Variants in TRAK2 observed in about 807,000 individuals in gnomAD.
TRAK2 encodes the protein trafficking kinesin protein 2, also known as trafficking kinesin-binding protein 2.
Under a neutral mutation model 104.6 loss-of-function variants are expected in TRAK2, and 81 were observed. The ratio of observed to expected loss-of-function variants is 0.77; its 90% CI spans 0.65 to 0.93. The LOEUF (loss-of-function observed/expected upper bound fraction) is 0.93, where lower values mean the gene tolerates loss of function less well. Among genes scored for constraint, TRAK2 ranks in the 40% least tolerant of loss-of-function variants. The pLI, the probability that TRAK2 is intolerant of heterozygous loss-of-function variation, is 0.00. For missense variants in TRAK2, 1,002 were observed against 1,089.0 expected, an observed-to-expected ratio of 0.92 and a Z score of 1.12; for synonymous variants, 406 against 394.4, an observed-to-expected ratio of 1.03 and a Z score of -0.35.
At chr2:201,396,713 C>T (rs1359123653) in intron 7 of TRAK2, among the ~76,000 whole-genome samples, 1 of 152,100 alleles carries the variant, frequency 6.6e-6, no homozygotes, top group Non-Finnish European at 1.5e-5. Context: ...TGGTAACTGA[C>T]GGCTACTAAG....
intron 1 of TRAK2, among the ~76,000 whole-genome samples, chr2:201,450,587 G>C (rs1179527973): frequency 6.6e-6 from 1 of 151,986 alleles, no homozygotes; most frequent in Non-Finnish European, 1.5e-5. Context: ...CAACAGCAAA[G>C]ATCTAAAGGT....
chr2:201,414,626 A>C (rs1951676598), intron 2 of TRAK2, among the ~76,000 whole-genome samples: 1 of 152,140 alleles, frequency 6.6e-6, no homozygotes, highest in African/African-American at 2.4e-5. Context: ...TAAAACCTTA[A>C]ATATGGTTCT....
intron 1 of TRAK2, among the ~76,000 whole-genome samples, chr2:201,429,864 T>G (rs542094315): frequency 6.6e-6 from 1 of 152,362 alleles, no homozygotes; most frequent in Admixed American, 6.5e-5. Flanking sequence ...AAAGTCATTC[T>G]CCGTCCAGCT....
chr2:201,430,057 C>G (rs1326875780), intron 1 of TRAK2, among the ~76,000 whole-genome samples: 19 of 152,224 alleles, frequency 1.2e-4, no homozygotes, highest in Admixed American at 1.2e-3. Context: ...AGTCAGGAGC[C>G]TCAGCTGCAG....
chr2:201,449,617 T>TG (rs1951994441), intron 1 of TRAK2, among the ~76,000 whole-genome samples: 1 of 151,358 alleles, frequency 6.6e-6, no homozygotes, highest in Non-Finnish European at 1.5e-5. Flanking sequence ...CCTCAGTAGC[T>TG]GGGACTGCAG....
At chr2:201,420,857 CAA>C (rs1213567655) in intron 1 of TRAK2, among the ~76,000 whole-genome samples, 151 bp from the exon 2 acceptor site, 1 of 151,798 alleles carries the variant, frequency 6.6e-6, no homozygotes, top group Admixed American at 6.6e-5. Context: ...AGAAGTCAGA[CAA>C]AAAAAGAGTA....
At chr2:201,414,484 A>G (rs1302948971) in intron 2 of TRAK2, among the ~76,000 whole-genome samples, 4 of 152,218 alleles carry the variant, frequency 2.6e-5, no homozygotes, top group African/African-American at 4.8e-5. Context: ...AATTCCTACG[A>G]CTTGACCTTG....
intron 1 of TRAK2, among the ~76,000 whole-genome samples, chr2:201,441,850 C>T (rs544897175): frequency 2.6e-5 from 4 of 151,702 alleles, no homozygotes; most frequent in Non-Finnish European, 5.9e-5. Flanking sequence ...CTCCACCACG[C>T]CCAGCTAATT....
chr2:201,399,052 CT>C (rs1266219412), intron 5 of TRAK2, among the ~76,000 whole-genome samples: 1 of 150,304 alleles, frequency 6.7e-6, no homozygotes, highest in African/African-American at 2.4e-5. Context: ...ATTTGGGTAC[CT>C]ATTTTTTAAA....
intron 2 of TRAK2, among the ~76,000 whole-genome samples, chr2:201,415,328 T>C (rs1286888165): frequency 6.6e-6 from 1 of 152,164 alleles, no homozygotes; most frequent in East Asian, 1.9e-4. Context: ...ACATTCATAA[T>C]ATTCACCAGT....
chr2:201,428,936 A>G (rs926455070), intron 1 of TRAK2, among the ~76,000 whole-genome samples: 1 of 152,190 alleles, frequency 6.6e-6, no homozygotes, highest in Non-Finnish European at 1.5e-5. Flanking sequence ...AGCAATTGTG[A>G]ATGGGAGTTC....
chr2:201,405,111 G>A (rs1175497749), intron 3 of TRAK2, among the ~76,000 whole-genome samples: 1 of 152,182 alleles, frequency 6.6e-6, no homozygotes, highest in Non-Finnish European at 1.5e-5. Flanking sequence ...AACGCTAAGT[G>A]TCTTAGGGTG....
At chr2:201,442,481 C>A (rs1303795084) in intron 1 of TRAK2, among the ~76,000 whole-genome samples, 3 of 151,994 alleles carry the variant, frequency 2.0e-5, no homozygotes, top group Non-Finnish European at 4.4e-5. Flanking sequence ...TTTGAGCAAT[C>A]AATTTTCTAA....
At chr2:201,439,418 C>G (rs551111482) in intron 1 of TRAK2, among the ~76,000 whole-genome samples, 1 of 150,604 alleles carries the variant, frequency 6.6e-6, no homozygotes, top group East Asian at 1.9e-4. Flanking sequence ...CCATGGTTTT[C>G]TTATTTTAAA....
intron 2 of TRAK2, among the ~76,000 whole-genome samples, chr2:201,418,802 A>T (rs1462107967): frequency 6.6e-6 from 1 of 152,146 alleles, no homozygotes; most frequent in Non-Finnish European, 1.5e-5. Flanking sequence ...AAAACTATAA[A>T]ACTTTTTCTT....
chr2:201,404,837 C>T (rs1422617969), intron 3 of TRAK2, among the ~76,000 whole-genome samples: 2 of 152,226 alleles, frequency 1.3e-5, no homozygotes, highest in African/African-American at 4.8e-5. Context: ...GCTACAATAG[C>T]TCCTGACACC....
intron 1 of TRAK2, among the ~76,000 whole-genome samples, chr2:201,422,049 CA>C (rs71022367): frequency 0.54 from 49,165 of 91,218 alleles, 9,564 homozygotes; most frequent in South Asian, 0.6. Flanking sequence ...GACTCTGTCT[CA>C]AAAAAAAAAA....
In TRAK2 at chr2:201,428,667, A is replaced by G. The variant is rs1951812947; in HGVS notation, c.-199-7961T>C. On this transcript the variant is annotated intron_variant, in intron 1 of 15. Transcript: ENST00000332624. Reference sequence around the variant, plus strand: ...GGCAATGCAGGCTCTTTTTGGTTACATATGAACTTTAAAGTAGTTTTTTCC... The same window carrying G: ...GGCAATGCAGGCTCTTTTTGGTTACGTATGAACTTTAAAGTAGTTTTTTCC... Among the ~76,000 whole-genome samples the G allele has an allele frequency of 3.3e-5, 5 of 152,284 alleles. No homozygotes were observed. In the South Asian group the frequency reaches 1.0e-3, roughly 32 times the overall value.
chr2:201,381,271 C>T, intron 15 of TRAK2, 53 bp from the exon 16 acceptor site: 1 of 1,487,544 alleles, frequency 6.7e-7, no homozygotes, highest in Non-Finnish European at 9.0e-7. Context: ...AAAAAGCAAG[C>T]TCCAAGCTGG....
Sources: gnomAD v4.1 joint callset for allele counts (sites outside exome capture counted in the v4.1 genomes callset) on GRCh38, gnomAD v4.1.1 for gene constraint, MANE v1.5 for transcripts, NCBI Gene and HGNC (gene_info 2026-07-23, HGNC 2026-07-21) for gene names.